Variants in SLC16A12 observed in about 807,000 individuals in gnomAD.
SLC16A12 encodes solute carrier family 16 member 12.
SLC16A12 carries 17 observed loss-of-function variants against 42.4 expected under a neutral mutation model. The ratio of observed to expected loss-of-function variants is 0.40; its 90% CI spans 0.27 to 0.60. The LOEUF (loss-of-function observed/expected upper bound fraction) is 0.60, where lower values mean the gene tolerates loss of function less well. Among genes scored for constraint, SLC16A12 ranks in the 20% least tolerant of loss-of-function variants. SLC16A12 has a pLI of 0.42. For synonymous variants in SLC16A12, 224 were observed against 229.4 expected (o/e 0.98, Z 0.21); for missense variants, 544 against 623.0 (o/e 0.87, Z 1.35).
chr10:89,448,417 T>C (rs773285578), intron 3 of SLC16A12, among the ~76,000 whole-genome samples: 9 of 151,728 alleles, frequency 5.9e-5, no homozygotes, highest in Admixed American at 6.6e-5. Context: ...CAAGATCAAG[T>C]TGGCTTCATC....
chr10:89,548,603 G>C (rs534338202), intron 2 of SLC16A12, among the ~76,000 whole-genome samples: 8 of 152,268 alleles, frequency 5.3e-5, no homozygotes, highest in African/African-American at 1.9e-4. Context: ...ATCACTGGAG[G>C]TCAGGAGTTC....
chr10:89,442,671 G>A (rs983506368), intron 4 of SLC16A12, among the ~76,000 whole-genome samples: 1 of 152,140 alleles, frequency 6.6e-6, no homozygotes, highest in African/African-American at 2.4e-5. Context: ...AGTTGAAAGA[G>A]TTGAGTTGAT....
At chr10:89,546,133 A>G (rs532469590) in intron 2 of SLC16A12, among the ~76,000 whole-genome samples, 5 of 151,330 alleles carry the variant, frequency 3.3e-5, no homozygotes, top group Non-Finnish European at 7.3e-5. Flanking sequence ...AGGCATGGGC[A>G]AAGACTTCAT....
intron 2 of SLC16A12, among the ~76,000 whole-genome samples, chr10:89,478,671 T>A (rs1842617470): frequency 6.6e-6 from 1 of 152,226 alleles, no homozygotes; most frequent in Admixed American, 6.5e-5. Flanking sequence ...ATCACCTTTA[T>A]TTAAATGGAC....
chr10:89,508,381 C>T (rs1843103664), intron 2 of SLC16A12, among the ~76,000 whole-genome samples: 1 of 152,224 alleles, frequency 6.6e-6, no homozygotes. Context: ...AACTGTTTCT[C>T]AGACCACAGT....
chr10:89,438,586 T>C lies in SLC16A12; in HGVS notation c.1028+18A>G, dbSNP rs969757649. On this transcript the variant is annotated intron_variant, in intron 6 of 7. Coordinates refer to ENST00000371790, the MANE Select transcript of SLC16A12 (RefSeq NM_213606.4). ...AAGTCCCCTGGTGGGGAACCAATTG[T>C]GGTTTCATGAATTTTACCTTCTGTC... 1.2e-6 allele frequency: 2 copies of C among 1,611,606 alleles called. No individual in the cohort carries two copies. The highest frequency in any genetic ancestry group is 1.7e-6 in the Non-Finnish European group (2 of 1,178,360).
upstream of SLC16A12, among the ~76,000 whole-genome samples, chr10:89,540,191 T>A (rs373283075): frequency 6.6e-6 from 1 of 151,920 alleles, no homozygotes; most frequent in African/African-American, 2.4e-5. Flanking sequence ...CTTGATTACC[T>A]AGGTTCAAGA....
chr10:89,433,434 C>A, intron 7 of SLC16A12, 108 bp from the exon 8 acceptor site: 1 of 1,151,292 alleles, frequency 8.7e-7, no homozygotes. Flanking sequence ...ATAGCACCAC[C>A]AATTGTAACT....
At chr10:89,500,204 C>G (rs1842974339) in intron 2 of SLC16A12, among the ~76,000 whole-genome samples, 1 of 152,066 alleles carries the variant, frequency 6.6e-6, no homozygotes, top group Admixed American at 6.5e-5. Flanking sequence ...AGGATTCTAC[C>G]ATACATTCAA....
chr10:89,478,770 A>G (rs1029762509), intron 2 of SLC16A12, among the ~76,000 whole-genome samples: 3 of 152,196 alleles, frequency 2.0e-5, no homozygotes, highest in Non-Finnish European at 4.4e-5. Context: ...TCAAACTCTC[A>G]TGTCCAAAAA....
intron 2 of SLC16A12, among the ~76,000 whole-genome samples, chr10:89,548,644 C>G (rs1008572323): frequency 3.1e-4 from 47 of 152,114 alleles, no homozygotes; most frequent in African/African-American, 1.1e-3. Flanking sequence ...GGTGAAACCC[C>G]ATCTCTACTA....
chr10:89,461,739 G>T (rs1042399960), intron 3 of SLC16A12, among the ~76,000 whole-genome samples: 2 of 152,152 alleles, frequency 1.3e-5, no homozygotes, highest in Admixed American at 6.5e-5. Flanking sequence ...AAATTCTGGA[G>T]AAACACACTT....
chr10:89,524,944 G>A (rs1349311014), intron 2 of SLC16A12, among the ~76,000 whole-genome samples: 2 of 152,192 alleles, frequency 1.3e-5, no homozygotes, highest in Admixed American at 1.3e-4. Flanking sequence ...GAGGCCGGGA[G>A]CAGTGGCTCA....
At chr10:89,491,523 A>G (rs201919569) in intron 2 of SLC16A12, among the ~76,000 whole-genome samples, 4 of 147,924 alleles carry the variant, frequency 2.7e-5, no homozygotes, top group African/African-American at 7.4e-5. Context: ...TTTTTTTTTT[A>G]AATTAATTCC....
chr10:89,539,038 C>T (rs773178649), upstream of SLC16A12, among the ~76,000 whole-genome samples: 11 of 152,128 alleles, frequency 7.2e-5, no homozygotes, highest in Non-Finnish European at 1.0e-4. Context: ...ACTAGAGTCC[C>T]ATATCCTGTT....
intron 2 of SLC16A12, among the ~76,000 whole-genome samples, chr10:89,473,597 C>A (rs1301376257): frequency 6.6e-6 from 1 of 152,134 alleles, no homozygotes; most frequent in African/African-American, 2.4e-5. Context: ...TTTATTATAG[C>A]AACAAACAAG....
intron 3 of SLC16A12, among the ~76,000 whole-genome samples, chr10:89,457,784 CA>C (rs1284684612): frequency 6.6e-6 from 1 of 152,164 alleles, no homozygotes; most frequent in Non-Finnish European, 1.5e-5. Flanking sequence ...CTTTTTGGAA[CA>C]AAGATCTCTC....
intron 2 of SLC16A12, among the ~76,000 whole-genome samples, chr10:89,512,894 T>G (rs1047844963): frequency 2.0e-5 from 3 of 152,166 alleles, no homozygotes; most frequent in Non-Finnish European, 4.4e-5. Context: ...GGGGCTGTCT[T>G]ATGGGATGGA....
intron 2 of SLC16A12, among the ~76,000 whole-genome samples, chr10:89,524,613 A>G (rs1589726417): frequency 6.6e-6 from 1 of 152,308 alleles, no homozygotes; most frequent in East Asian, 1.9e-4. Context: ...TCCATAGCAG[A>G]TGATCACTTA....
Sources: allele counts gnomAD v4.1 joint callset (sites outside exome capture counted in the v4.1 genomes callset), GRCh38; gene constraint gnomAD v4.1.1; transcripts MANE v1.5; gene names NCBI Gene and HGNC (gene_info 2026-07-23, HGNC 2026-07-21).